The following CAMTA1 variants were observed in gnomAD, a reference collection of about 807,000 sequenced individuals.
CAMTA1 encodes calmodulin-binding transcription activator 1.
Under a neutral mutation model 170.9 loss-of-function variants are expected in CAMTA1, and 27 were observed. The ratio of observed to expected loss-of-function variants is 0.16; its 90% confidence interval spans 0.12 to 0.22. The LOEUF is 0.22. Ranked by LOEUF, CAMTA1 falls within the 10% of genes least tolerant of loss-of-function variation. CAMTA1 has a pLI of 1.00. For missense variants in CAMTA1, 1,619 were observed against 2,217.2 expected, an observed-to-expected ratio of 0.73 and a Z score of 5.42; for synonymous variants, 833 against 891.5, an observed-to-expected ratio of 0.93 and a Z score of 1.17.
rs11120949 is a variant in CAMTA1 at position 7,495,383 on chromosome 1, C to T, written c.510+27482C>T. 9.8e-3 allele frequency among the ~76,000 whole-genome samples: 1,497 copies of T among 152,124 alleles called. 24 individuals are homozygous for T. Among genetic ancestry groups the T allele is most frequent in the African/African-American group, 0.034 (1,406 of 41,494 alleles). ...GGATCAAGTTTGGGATGTGGGTGAG[C>T]GTAGGGAGAGGAGGCGATGAATTCC... On this transcript the variant is annotated intron_variant, in intron 6 of 22. Transcript: ENST00000303635.
rs2097030969 is a variant in CAMTA1 at position 7,767,596 on chromosome 1, T to C, written c.*1105T>C. On this transcript the variant is annotated 3_prime_UTR_variant, in exon 23 of 23. Coordinates refer to ENST00000303635, the MANE Select transcript of CAMTA1 (RefSeq NM_015215.4). ...ATTTTATTCACAAAGGTCAATAACA[T>C]GGCAAGATAAAATTATTTGTATAGT... is the stretch of plus-strand genomic sequence containing the variant. The C allele has an allele frequency of 6.5e-6, 1 of 152,732 alleles. No homozygotes were observed. Among genetic ancestry groups the C allele is most frequent in the Non-Finnish European group, 1.5e-5 (1 of 68,020 alleles). The allele number at this position is 152,732 out of a possible 1,614,324, so 9.5% of individuals were successfully genotyped here.
intron 3 of CAMTA1, among the ~76,000 whole-genome samples, chr1:7,070,042 G>A (rs1449022590): frequency 4.6e-5 from 7 of 152,172 alleles, no homozygotes; most frequent in Admixed American, 2.6e-4. Flanking sequence ...CGGGGCCTCC[G>A]GTGAGCCGCA....
chr1:7,335,044 CCA>C (rs1349893620), intron 5 of CAMTA1, among the ~76,000 whole-genome samples: 5 of 136,434 alleles, frequency 3.7e-5, no homozygotes, highest in Non-Finnish European at 6.3e-5. Flanking sequence ...TAAACCAAAT[CCA>C]GGCTCTGAGA....
chr1:7,558,655 G>A (rs1200905924), intron 6 of CAMTA1, among the ~76,000 whole-genome samples: 2 of 152,164 alleles, frequency 1.3e-5, no homozygotes, highest in Admixed American at 6.5e-5. Flanking sequence ...CCCCAGCCCC[G>A]AAACACACGG....
At chr1:7,668,741 C>A (rs1338120699) in intron 9 of CAMTA1, among the ~76,000 whole-genome samples, 1 of 152,202 alleles carries the variant, frequency 6.6e-6, no homozygotes, top group Non-Finnish European at 1.5e-5. Context: ...TGGAGAAGGT[C>A]CTGATGTTCT....
At chr1:7,564,325 G>A (rs2095005851) in intron 6 of CAMTA1, among the ~76,000 whole-genome samples, 1 of 152,250 alleles carries the variant, frequency 6.6e-6, no homozygotes, top group Admixed American at 6.5e-5. Flanking sequence ...ACGGCGTGCT[G>A]TCTGGATTAT....
chr1:6,817,180 C>T (rs1354274436), intron 1 of CAMTA1, among the ~76,000 whole-genome samples: 1 of 152,148 alleles, frequency 6.6e-6, no homozygotes, highest in Non-Finnish European at 1.5e-5. Flanking sequence ...TGAAGCTATT[C>T]ATTAGTGTGT....
intron 3 of CAMTA1, among the ~76,000 whole-genome samples, chr1:7,080,621 G>T (rs1242931915): frequency 6.6e-6 from 1 of 152,018 alleles, no homozygotes; most frequent in African/African-American, 2.4e-5. Flanking sequence ...TGCAACCTCT[G>T]CCTTCCAGGT....
At chr1:7,424,870 G>A (rs1385878372) in intron 5 of CAMTA1, among the ~76,000 whole-genome samples, 1 of 152,080 alleles carries the variant, frequency 6.6e-6, no homozygotes, top group African/African-American at 2.4e-5. Context: ...ATAATAATGT[G>A]TGGGTTTGTC....
rs1666267037 is a variant in CAMTA1, at chr1:7,249,154, C to T, written c.303-337C>T. Among the ~76,000 whole-genome samples the T allele has an allele frequency of 6.6e-6, 1 of 152,130 alleles. No homozygotes were observed. Among genetic ancestry groups the T allele is most frequent in the Non-Finnish European group, 1.5e-5 (1 of 68,032 alleles). The stretch of plus-strand genomic sequence containing the variant: ...TTGCAGGCTGCCACGACACCCCTGG[C>T]TCTTTTTGCTTTCTGTCTCTGTTTT... On this transcript the variant is annotated intron_variant, in intron 4 of 22. Transcript: ENST00000303635. This position sits in a 1 kb window ranked among gnomAD's most constrained non-coding sequence, Gnocchi z 4.4.
intron 11 of CAMTA1, among the ~76,000 whole-genome samples, chr1:7,710,988 G>A (rs1490884756): frequency 6.6e-6 from 1 of 152,178 alleles, no homozygotes; most frequent in Non-Finnish European, 1.5e-5. Flanking sequence ...CTGGAGCCAA[G>A]AATTGGGCTC....
chr1:6,898,814 G>GCC, intron 3 of CAMTA1, among the ~76,000 whole-genome samples: 1 of 152,186 alleles, frequency 6.6e-6, no homozygotes. Flanking sequence ...ATACCAAGAA[G>GCC]GACCTCCAGC....
chr1:7,066,698 A>G (rs921722247), intron 3 of CAMTA1, among the ~76,000 whole-genome samples: 24 of 152,248 alleles, frequency 1.6e-4, no homozygotes, highest in Non-Finnish European at 3.1e-4. Context: ...GCATTCTTTC[A>G]GAAGTCCTGA....
chr1:7,458,078 AG>A (rs1248149498), intron 5 of CAMTA1, among the ~76,000 whole-genome samples: 1 of 141,722 alleles, frequency 7.1e-6, no homozygotes, highest in Non-Finnish European at 1.6e-5. Context: ...GGTGGGGACT[AG>A]GGGGTGGCGG....
At chr1:6,952,670 TA>T (rs1381283956) in intron 3 of CAMTA1, among the ~76,000 whole-genome samples, 1 of 151,330 alleles carries the variant, frequency 6.6e-6, no homozygotes, top group Non-Finnish European at 1.5e-5. Context: ...CTGTCTCTAC[TA>T]AAAAATACAA....
intron 7 of CAMTA1, among the ~76,000 whole-genome samples, chr1:7,647,672 C>T (rs1051881314): frequency 4.6e-5 from 7 of 152,328 alleles, no homozygotes; most frequent in Non-Finnish European, 8.8e-5. Flanking sequence ...CTCTCCAGCT[C>T]AGTCGATCCT....
chr1:7,382,506 G>A (rs1266228267), intron 5 of CAMTA1: 1 of 152,150 alleles, frequency 6.6e-6, no homozygotes, highest in Admixed American at 6.5e-5. Flanking sequence ...TTCCATCTGA[G>A]GCCAGCCTCT....
intron 5 of CAMTA1, among the ~76,000 whole-genome samples, chr1:7,398,812 T>A (rs555065950): frequency 1.6e-4 from 25 of 152,228 alleles, no homozygotes; most frequent in Non-Finnish European, 1.0e-4. Flanking sequence ...TCTGCTATAG[T>A]TTTTTCCTTT....
At chr1:7,715,433 T>A (rs905136241) in intron 11 of CAMTA1, among the ~76,000 whole-genome samples, 1 of 56,480 alleles carries the variant, frequency 1.8e-5, no homozygotes, top group Non-Finnish European at 4.5e-5. Context: ...AGCCACACAC[T>A]TTTTTTTTTT....
Sources: gnomAD v4.1 joint callset for allele counts (sites outside exome capture counted in the v4.1 genomes callset) on GRCh38, gnomAD v4.1.1 for gene constraint, Gnocchi (gnomAD v3.1) non-coding constraint, MANE v1.5 for transcripts, NCBI Gene and HGNC (gene_info 2026-07-23, HGNC 2026-07-21) for gene names.